The following PTPRD variants were observed in gnomAD, a reference collection of about 807,000 sequenced individuals.
The protein encoded by PTPRD is protein tyrosine phosphatase receptor type D, also known as receptor-type tyrosine-protein phosphatase delta.
In PTPRD, 34 loss-of-function variants were observed where a neutral mutation model predicts 214.5. That is an observed-to-expected ratio of 0.16 (90% confidence interval 0.12 to 0.21). The LOEUF is 0.21. Among genes scored for constraint, PTPRD ranks in the 10% least tolerant of loss-of-function variants. PTPRD has a pLI of 1.00. For missense variants in PTPRD, 2,545 were observed against 2,398.7 expected, an observed-to-expected ratio of 1.06 and a Z score of -1.27; for synonymous variants, 1,128 against 845.7, an observed-to-expected ratio of 1.33 and a Z score of -5.79.
At chr9:9,742,585 T>A (rs1205230169) in intron 6 of PTPRD, among the ~76,000 whole-genome samples, 1 of 152,120 alleles carries the variant, frequency 6.6e-6, no homozygotes, top group Non-Finnish European at 1.5e-5. Context: ...AGGAACATGT[T>A]ATGCTAAAAC....
At chr9:8,428,264 T>C (rs1017052410) in intron 35 of PTPRD, among the ~76,000 whole-genome samples, 2 of 152,104 alleles carry the variant, frequency 1.3e-5, no homozygotes, top group Non-Finnish European at 2.9e-5. Context: ...TCGTAAGGAA[T>C]TGGGCAAAGA....
intron 7 of PTPRD, among the ~76,000 whole-genome samples, chr9:9,621,507 A>G (rs2095237458): frequency 6.6e-6 from 1 of 152,218 alleles, no homozygotes; most frequent in African/African-American, 2.4e-5. Context: ...TACCAAAACA[A>G]CTTTAAGCGA....
intron 8 of PTPRD, among the ~76,000 whole-genome samples, chr9:9,444,629 T>A (rs1264902379): frequency 1.3e-5 from 2 of 152,308 alleles, no homozygotes; most frequent in South Asian, 2.1e-4. Context: ...TTTTCTATTA[T>A]TTCCAAGGAG....
chr9:9,060,273 A>C (rs892071937), intron 10 of PTPRD, among the ~76,000 whole-genome samples: 3 of 152,174 alleles, frequency 2.0e-5, no homozygotes, highest in African/African-American at 7.2e-5. Context: ...TTGATTTATG[A>C]CAAGAGTGTG....
chr9:9,955,043 G>A (rs776162183), intron 4 of PTPRD, among the ~76,000 whole-genome samples: 1 of 152,130 alleles, frequency 6.6e-6, no homozygotes, highest in Non-Finnish European at 1.5e-5. Context: ...CAAACTAAAT[G>A]CTAAAGAGCT....
intron 5 of PTPRD, among the ~76,000 whole-genome samples, chr9:9,808,036 G>A (rs936017459): frequency 2.0e-5 from 3 of 152,130 alleles, no homozygotes; most frequent in African/African-American, 4.8e-5. Context: ...AATGAGAAAG[G>A]AGTGAAACCA....
At chr9:8,894,732 G>A (rs927571873) in intron 11 of PTPRD, among the ~76,000 whole-genome samples, 3 of 152,128 alleles carry the variant, frequency 2.0e-5, no homozygotes, top group African/African-American at 4.8e-5. Context: ...AAGTAGTTTT[G>A]GGGTAAAACG....
chr9:8,512,870 G>A (rs139119451), intron 21 of PTPRD, among the ~76,000 whole-genome samples: 2 of 151,976 alleles, frequency 1.3e-5, no homozygotes, highest in East Asian at 3.9e-4. Flanking sequence ...TAATGCATTA[G>A]GTTTGAGATT....
At chr9:8,832,799 T>C (rs926698820) in intron 11 of PTPRD, among the ~76,000 whole-genome samples, 1 of 151,834 alleles carries the variant, frequency 6.6e-6, no homozygotes, top group African/African-American at 2.4e-5. Context: ...TCTCTCTGGC[T>C]CTTGCTCTCT....
chr9:9,706,830 G>T lies in PTPRD; in HGVS notation c.-287+27703C>A, dbSNP rs545497737. On this transcript the variant is annotated intron_variant, in intron 7 of 45. Coordinates refer to ENST00000381196, the MANE Select transcript of PTPRD (RefSeq NM_002839.4). ...ATGCAAAAGAACAAAAGCCTGTTTG[G>T]GGTGGGAATGGGGCGAGGTAGGTAG... Among the ~76,000 whole-genome samples the T allele has an allele frequency of 5.3e-5, 8 of 152,202 alleles. No homozygotes were observed. In the South Asian group the frequency reaches 1.5e-3, roughly 28 times the overall value.
chr9:9,175,816 T>C (rs1008887129), intron 10 of PTPRD, among the ~76,000 whole-genome samples: 1 of 152,048 alleles, frequency 6.6e-6, no homozygotes, highest in Non-Finnish European at 1.5e-5. Context: ...GATCACATCA[T>C]TGAGTATTTG....
chr9:10,368,359 C>A (rs571206213), intron 2 of PTPRD, among the ~76,000 whole-genome samples: 123 of 152,174 alleles, frequency 8.1e-4, no homozygotes, highest in African/African-American at 2.8e-3. Flanking sequence ...AATGGATTTT[C>A]TTTGCTAGAG....
chr9:9,472,308 A>C (rs564511108), intron 8 of PTPRD, among the ~76,000 whole-genome samples: 39 of 146,846 alleles, frequency 2.7e-4, no homozygotes, highest in Admixed American at 1.1e-3. Flanking sequence ...GGTTCACGCC[A>C]TTCTCCTGCC....
At chr9:9,499,427 G>A (rs961944244) in intron 8 of PTPRD, among the ~76,000 whole-genome samples, 5 of 151,886 alleles carry the variant, frequency 3.3e-5, no homozygotes, top group East Asian at 3.9e-4. Context: ...ATATATTGCC[G>A]AACTATAGTT....
At chr9:9,570,693 C>T (rs2086101900) in intron 8 of PTPRD, among the ~76,000 whole-genome samples, 2 of 151,300 alleles carry the variant, frequency 1.3e-5, no homozygotes, top group East Asian at 1.9e-4. Context: ...ACACAGAGAT[C>T]GATAATTTAG....
intron 9 of PTPRD, among the ~76,000 whole-genome samples, chr9:9,392,381 G>T (rs1240715992): frequency 1.3e-5 from 2 of 152,142 alleles, no homozygotes; most frequent in Admixed American, 6.6e-5. Context: ...AGAAGTCTTA[G>T]CTTTTTAATC....
intron 3 of PTPRD, among the ~76,000 whole-genome samples, chr9:10,304,917 T>A (rs1013369988): frequency 6.6e-6 from 1 of 152,128 alleles, no homozygotes; most frequent in African/African-American, 2.4e-5. Context: ...ACTTTAAAGT[T>A]CATATGGAAC....
In PTPRD at chr9:10,329,863, G is replaced by A. The variant is rs140376878; in HGVS notation, c.-545+11100C>T. 3.0e-3 allele frequency among the ~76,000 whole-genome samples: 461 copies of A among 151,736 alleles called. 2 individuals carry two copies. Among genetic ancestry groups the A allele is most frequent in the Non-Finnish European group, 5.1e-3 (343 of 67,828 alleles). ...TAAAATTGCATAACCATTTTGATGC[G>A]CATGGCATAGTCTGTCATGTATAAA... On this transcript the variant is annotated intron_variant, in intron 3 of 45. Coordinates refer to ENST00000381196, the MANE Select transcript of PTPRD (RefSeq NM_002839.4).
chr9:10,213,004 C>T (rs1025976722), intron 3 of PTPRD, among the ~76,000 whole-genome samples: 9 of 152,030 alleles, frequency 5.9e-5, no homozygotes, highest in African/African-American at 2.2e-4. Flanking sequence ...AATAGTTACC[C>T]TTGTATCATT....
Sources: gnomAD v4.1 joint callset for allele counts (sites outside exome capture counted in the v4.1 genomes callset) on GRCh38, gnomAD v4.1.1 for gene constraint, MANE v1.5 for transcripts, NCBI Gene and HGNC (gene_info 2026-07-23, HGNC 2026-07-21) for gene names.